CPM: variants seen among roughly 807,000 people sequenced by gnomAD.
CPM encodes carboxypeptidase M.
A neutral mutation model predicts 46.4 loss-of-function variants in CPM; 35 were observed. The observed-to-expected ratio is 0.75, with a 90% confidence interval of 0.58 to 1.00. CPM has a LOEUF of 1.00. CPM is among the 50% of genes least tolerant of loss of function. CPM has a pLI of 0.00. For missense variants in CPM, 422 were observed against 530.4 expected (o/e 0.80, Z 2.01); for synonymous variants, 195 against 195.3 (o/e 1.00, Z 0.01).
chr12:68,959,075 A>G (rs1220736843), intron 1 of CPM, among the ~76,000 whole-genome samples: 2 of 152,104 alleles, frequency 1.3e-5, no homozygotes, highest in African/African-American at 4.8e-5. Context: ...TCTCTGTCTT[A>G]TCTTCGTCAT....
chr12:68,883,951 CA>C (rs1013844306), intron 3 of CPM, among the ~76,000 whole-genome samples: 4 of 136,512 alleles, frequency 2.9e-5, no homozygotes, highest in East Asian at 2.1e-4. Context: ...AAAAAAAATA[CA>C]AAAAAAAATT....
intron 2 of CPM, among the ~76,000 whole-genome samples, chr12:68,920,342 A>C (rs935779534): frequency 6.6e-6 from 1 of 152,228 alleles, no homozygotes; most frequent in Non-Finnish European, 1.5e-5. Context: ...GAATCGCCAC[A>C]TGTTAAATGA....
intron 3 of CPM, among the ~76,000 whole-genome samples, chr12:68,875,044 GTA>G (rs1255260273): frequency 6.6e-6 from 1 of 152,082 alleles, no homozygotes; most frequent in Non-Finnish European, 1.5e-5. Context: ...GGTAGTATGG[GTA>G]TAGAACAAAA....
chr12:68,887,711 T>C (rs995501804), intron 2 of CPM, among the ~76,000 whole-genome samples: 4 of 152,190 alleles, frequency 2.6e-5, no homozygotes, highest in African/African-American at 9.7e-5. Context: ...TATTGGATAA[T>C]AGTAACACAC....
At chr12:68,959,687 A>T (rs569972519) in intron 1 of CPM, among the ~76,000 whole-genome samples, 1 of 152,318 alleles carries the variant, frequency 6.6e-6, no homozygotes, top group South Asian at 2.1e-4. Context: ...GGGTGAAGAG[A>T]GGGTTTGCTG....
downstream of CPM, chr12:68,850,826 A>G (rs1222128665): frequency 6.6e-6 from 1 of 152,124 alleles, no homozygotes. Flanking sequence ...TCTTTTCTGC[A>G]TTTCTCAGAT....
chr12:68,925,855 A>C (rs1361283757), intron 2 of CPM, among the ~76,000 whole-genome samples: 3 of 152,202 alleles, frequency 2.0e-5, no homozygotes, highest in Non-Finnish European at 4.4e-5. Context: ...TATAATTTTA[A>C]TCTTCTGCTA....
intron 7 of CPM, among the ~76,000 whole-genome samples, chr12:68,859,717 G>A (rs1885126905): frequency 6.6e-6 from 1 of 152,040 alleles, no homozygotes; most frequent in African/African-American, 2.4e-5. Context: ...TAAGGCTCTG[G>A]CTTATTAAAA....
chr12:68,876,625 C>T (rs964108015), intron 3 of CPM, among the ~76,000 whole-genome samples: 2 of 152,236 alleles, frequency 1.3e-5, no homozygotes, highest in East Asian at 1.9e-4. Flanking sequence ...CATGAAGAAA[C>T]GGGGGCCTGA....
intron 1 of CPM, among the ~76,000 whole-genome samples, chr12:68,945,954 G>T (rs1299131608): frequency 7.1e-6 from 1 of 141,830 alleles, no homozygotes; most frequent in African/African-American, 2.7e-5. Context: ...TAGGGCTAAA[G>T]TGATCCTGCC....
chr12:68,863,263 T>A (rs1399728087), intron 7 of CPM, among the ~76,000 whole-genome samples: 1 of 152,208 alleles, frequency 6.6e-6, no homozygotes, highest in Non-Finnish European at 1.5e-5. Flanking sequence ...TCCCTTGCTC[T>A]CTAGGTTCAG....
rs542653134 is a variant in CPM at position 68,933,127 on chromosome 12, C to G, written c.-4+15G>C. ...TGCCACAGCTGCGCCCGGCCCCGCG[C>G]ACCCCCAGCCTCACCAGGTCCCAGG... On this transcript the variant is annotated intron_variant, in intron 1 of 8. Transcript: ENST00000551568. The G allele has an allele frequency of 3.5e-6, 1 of 283,116 alleles. No individual in the cohort carries two copies. The highest frequency in any genetic ancestry group is 4.7e-5 in the South Asian group (1 of 21,230). 17.5% of individuals were successfully genotyped at this position (283,116 alleles called of 1,614,324 possible).
chr12:68,849,407 T>A (rs1403544576), downstream of CPM: 1 of 142,996 alleles, frequency 7.0e-6, no homozygotes, highest in East Asian at 2.2e-4. Flanking sequence ...TTTTTGTTGT[T>A]GTTGTTGTTT....
In CPM at chr12:68,856,230, T is replaced by A. The variant is rs1272039197; in HGVS notation, c.*207A>T. The A allele has an allele frequency of 1.7e-6, 1 of 582,188 alleles. No homozygotes were observed. The highest frequency in any genetic ancestry group is 3.0e-6 in the Non-Finnish European group (1 of 334,842). 36.1% of individuals were successfully genotyped at this position (582,188 alleles called of 1,614,324 possible). ...AGCAGTACTTGTTAGGTAAGTGTCT[T>A]CCATTCACCGTCAAGACTGAATCAT... On this transcript the variant is annotated 3_prime_UTR_variant, in exon 9 of 9. Transcript: ENST00000551568.
At chr12:68,882,017 C>T (rs1285079846) in intron 3 of CPM, among the ~76,000 whole-genome samples, 25 of 131,848 alleles carry the variant, frequency 1.9e-4, no homozygotes, top group African/African-American at 3.6e-4. Flanking sequence ...CCACCACGCC[C>T]GGCCTGCTTT....
At chr12:68,866,708 G>A in intron 7 of CPM, 188 bp downstream of exon 7, 2 of 549,198 alleles carry the variant, frequency 3.6e-6, no homozygotes, top group African/African-American at 1.9e-5. Flanking sequence ...TTCTATGAAT[G>A]AGTGGGCACT....
rs566375371 is a variant in CPM at position 68,940,913 on chromosome 12, C to T, written c.-3-8073G>A. On this transcript the variant is annotated intron_variant, in intron 1 of 8. Transcript: ENST00000546373. Reference sequence around the variant, plus strand: ...TGCAGTTGTGTTAACTCTATGCACACTGTTGTGCAATAGAGCTCTAGAACT... The same window carrying T: ...TGCAGTTGTGTTAACTCTATGCACATTGTTGTGCAATAGAGCTCTAGAACT... Among the ~76,000 whole-genome samples the T allele has an allele frequency of 2.0e-5, 3 of 152,102 alleles. No individual in the cohort carries two copies. The South Asian group carries it at 6.2e-4, about 32-fold the overall frequency.
At chr12:68,875,892 C>T (rs1885932800) in intron 3 of CPM, among the ~76,000 whole-genome samples, 1 of 151,606 alleles carries the variant, frequency 6.6e-6, no homozygotes, top group African/African-American at 2.4e-5. Context: ...AGTTTCACTT[C>T]AGTTTTATTC....
At chr12:68,892,006 G>C (rs533036848) in intron 2 of CPM, among the ~76,000 whole-genome samples, 1 of 152,200 alleles carries the variant, frequency 6.6e-6, no homozygotes, top group African/African-American at 2.4e-5. Flanking sequence ...CAAAGTGCTG[G>C]GATTACAGGC....
Sources: allele counts gnomAD v4.1 joint callset (sites outside exome capture counted in the v4.1 genomes callset), GRCh38; gene constraint gnomAD v4.1.1; transcripts MANE v1.5; gene names NCBI Gene and HGNC (gene_info 2026-07-23, HGNC 2026-07-21).